The following NAV2 variants were observed in gnomAD, a reference collection of about 807,000 sequenced individuals.
NAV2 encodes the protein helicase, APC down-regulated 1.
A neutral mutation model predicts 223.2 loss-of-function variants in NAV2; 54 were observed. The ratio of observed to expected loss-of-function variants is 0.24; its 90% CI spans 0.19 to 0.30. NAV2 has a LOEUF of 0.30. Among genes scored for constraint, NAV2 ranks in the 10% least tolerant of loss-of-function variants. The probability of loss-of-function intolerance (pLI) is 1.00; values close to 1 mark genes in which losing one functional copy is unlikely to be tolerated. For synonymous variants in NAV2, 1,279 were observed against 1,239.3 expected, an observed-to-expected ratio of 1.03 and a Z score of -0.67; for missense variants, 2,806 against 3,147.5, an observed-to-expected ratio of 0.89 and a Z score of 2.60.
Position 19,998,849 on chromosome 11 carries a change from T to A in NAV2, c.2768+14602T>A, listed in dbSNP as rs566870890. ...TGTTGGTTTCTTTTTGGAAACTGTT[T>A]ATTTGACATCTCTTACTTTCATGTG... On this transcript the variant is annotated intron_variant, in intron 11 of 37. Transcript: ENST00000349880. This position sits in a 1 kb window ranked among gnomAD's most constrained non-coding sequence, Gnocchi z 5.0. Among the ~76,000 whole-genome samples, 35 of 152,340 alleles carry A rather than the reference T, an allele frequency of 2.3e-4. No homozygotes were observed. Among genetic ancestry groups the A allele is most frequent in the Admixed American group, 9.8e-4 (15 of 15,306 alleles).
At position 19,514,902 on chromosome 11, in the gene NAV2, T is replaced by G. The variant is rs79547738; in HGVS notation, c.75+163875T>G. 8.1e-3 allele frequency among the ~76,000 whole-genome samples: 1,236 copies of G among 152,286 alleles called. 13 individuals carry two copies. The highest frequency in any genetic ancestry group is 0.028 in the African/African-American group (1,164 of 41,558). ...GGAGTTTTTGGGGCCTCTGAGCTGT[T>G]TAATTCTAATCATCCACCCTTCGTT... On this transcript the variant is annotated intron_variant, in intron 1 of 37. Coordinates refer to the NAV2 transcript ENST00000360655.
chr11:19,356,370 T>TTCATTCATCC (rs1412467894), intron 1 of NAV2, among the ~76,000 whole-genome samples: 1 of 152,204 alleles, frequency 6.6e-6, no homozygotes, highest in East Asian at 1.9e-4. Context: ...CATTCATTTA[T>TTCATTCATCC]TCATTCATCC....
chr11:19,778,830 A>G (rs1436159434), intron 1 of NAV2, among the ~76,000 whole-genome samples: 3 of 152,198 alleles, frequency 2.0e-5, no homozygotes, highest in African/African-American at 7.2e-5. Context: ...AAGAGGCCAG[A>G]GTTTCACATA....
intron 1 of NAV2, among the ~76,000 whole-genome samples, chr11:19,352,264 G>C (rs1305416575): frequency 2.0e-5 from 3 of 152,166 alleles, no homozygotes; most frequent in Admixed American, 2.0e-4. Flanking sequence ...CAGAGAGATA[G>C]GAGAAAAATC....
chr11:19,945,204 T>TC (rs1451433538), intron 8 of NAV2, among the ~76,000 whole-genome samples: 1,646 of 51,812 alleles, frequency 0.032, 123 homozygotes, highest in African/African-American at 0.089. Context: ...TCCCTTCCCT[T>TC]TCTTTCCTTT....
At chr11:20,000,406 C>T (rs1285876211) in intron 11 of NAV2, among the ~76,000 whole-genome samples, 1 of 152,140 alleles carries the variant, frequency 6.6e-6, no homozygotes, top group Non-Finnish European at 1.5e-5. Flanking sequence ...TCAGAGCATG[C>T]ACTTATTATG....
At chr11:19,801,596 C>T (rs914236073) in intron 1 of NAV2, among the ~76,000 whole-genome samples, 1 of 152,162 alleles carries the variant, frequency 6.6e-6, no homozygotes, top group Admixed American at 6.5e-5. Context: ...GACCTCCTAG[C>T]CCTGAGGATC....
intron 1 of NAV2, among the ~76,000 whole-genome samples, chr11:19,536,349 G>T (rs2134477499): frequency 6.6e-6 from 1 of 152,274 alleles, no homozygotes. Flanking sequence ...GGACTGAAGT[G>T]TCCCCACTTG....
In NAV2 at chr11:19,498,796, C is replaced by A. The variant is rs117302001; in HGVS notation, c.75+147769C>A. 1.5e-4 allele frequency among the ~76,000 whole-genome samples: 23 copies of A among 152,312 alleles called. No individual in the cohort carries two copies. In the East Asian group the frequency reaches 3.7e-3, roughly 24 times the overall value. On this transcript the variant is annotated intron_variant, in intron 1 of 37. Transcript: ENST00000360655. ...TTAGGTCCTTGCTCTGAAGTAGATT[C>A]TTCTCAAGAATCTGGGTTCCGCATG...
chr11:19,630,809 G>A (rs923974073), intron 1 of NAV2, among the ~76,000 whole-genome samples: 4 of 151,458 alleles, frequency 2.6e-5, no homozygotes, highest in South Asian at 2.1e-4. Flanking sequence ...CTGGGAGGTC[G>A]AGGCTGCAGT....
chr11:19,642,327 G>A (rs971868108), intron 1 of NAV2, among the ~76,000 whole-genome samples: 1 of 152,224 alleles, frequency 6.6e-6, no homozygotes, highest in Non-Finnish European at 1.5e-5. Flanking sequence ...CTAAGTGTGA[G>A]AATTGCTCAG....
At position 19,902,098 on chromosome 11, in the gene NAV2, G is replaced by T. The variant is rs2042489524; in HGVS notation, c.931+9504G>T. On this transcript the variant is annotated intron_variant, in intron 6 of 37. Coordinates refer to ENST00000349880, the MANE Select transcript of NAV2 (RefSeq NM_145117.5). ...GAGCACTGTCCTGTTCAGAGGAAGGGCGAGCACTATTAAAGCTGCCTAGAG... is the reference window on the plus strand; with the variant it reads ...GAGCACTGTCCTGTTCAGAGGAAGGTCGAGCACTATTAAAGCTGCCTAGAG... 2.6e-5 allele frequency among the ~76,000 whole-genome samples: 4 copies of T among 152,266 alleles called. No homozygotes were observed. The South Asian group carries it at 8.3e-4, about 32-fold the overall frequency.
In NAV2 at chr11:19,988,591, T is replaced by C. The variant is rs376920287; in HGVS notation, c.2768+4344T>C. ...TTCATTACCCTTCAAATTCTGAATG[T>C]TTTAAGTACTGAGATTGCTGTTTCA... On this transcript the variant is annotated intron_variant, in intron 11 of 37. Coordinates refer to ENST00000349880, the MANE Select transcript of NAV2 (RefSeq NM_145117.5). Among the ~76,000 whole-genome samples the C allele has an allele frequency of 1.6e-3, 245 of 152,108 alleles. 2 individuals are homozygous for C. Among genetic ancestry groups the C allele is most frequent in the African/African-American group, 5.6e-3 (231 of 41,492 alleles).
intron 1 of NAV2, among the ~76,000 whole-genome samples, chr11:19,616,304 C>CTGTGTGTGTGTGTGTGTGTG (rs113035353): frequency 1.4e-5 from 2 of 140,630 alleles, no homozygotes; most frequent in African/African-American, 5.5e-5. Context: ...TTGCTTCTGA[C>CTGTGTGTGTGTGTGTGTGTG]TGTGTGTGTG....
intron 1 of NAV2, among the ~76,000 whole-genome samples, chr11:19,385,222 A>G (rs1848989333): frequency 6.6e-6 from 1 of 152,368 alleles, no homozygotes; most frequent in East Asian, 1.9e-4. Flanking sequence ...ATCTCAGTTC[A>G]GTGCTATTGT....
chr11:20,114,524 C>A, intron 36 of NAV2, 68 bp from the exon 37 acceptor site: 2 of 1,483,734 alleles, frequency 1.3e-6, no homozygotes, highest in Admixed American at 3.5e-5. Context: ...TTTCAGAAAG[C>A]TGCAAAACTG....
intron 11 of NAV2, among the ~76,000 whole-genome samples, chr11:20,023,686 C>A (rs1450428061): frequency 8.0e-6 from 1 of 124,990 alleles, no homozygotes; most frequent in Non-Finnish European, 1.6e-5. Context: ...TGTGTTTATA[C>A]AGCAAATTGC....
At chr11:19,905,980 T>A (rs1337271683) in intron 6 of NAV2, among the ~76,000 whole-genome samples, 1 of 152,098 alleles carries the variant, frequency 6.6e-6, no homozygotes, top group Non-Finnish European at 1.5e-5. Flanking sequence ...TCCCAGCCCC[T>A]CAAAATGAAT....
At position 20,114,552 on chromosome 11, in the gene NAV2, T is replaced by C; in HGVS notation, c.6961-40T>C. On this transcript the variant is annotated intron_variant, in intron 36 of 37. Coordinates refer to ENST00000349880, the MANE Select transcript of NAV2 (RefSeq NM_145117.5). Reference sequence around the variant, plus strand: ...CAAAACTGGGGCTACGAGAGAGATCTGGGCCACTTCCAGACTGTTCCTTCT... The same window carrying C: ...CAAAACTGGGGCTACGAGAGAGATCCGGGCCACTTCCAGACTGTTCCTTCT... 4 of 1,598,296 alleles carry C rather than the reference T, an allele frequency of 2.5e-6. No homozygotes were observed. In the South Asian group the frequency reaches 3.3e-5, roughly 13 times the overall value.
Sources: gnomAD v4.1 joint callset for allele counts (sites outside exome capture counted in the v4.1 genomes callset) on GRCh38, gnomAD v4.1.1 for gene constraint, Gnocchi (gnomAD v3.1) non-coding constraint, MANE v1.5 for transcripts, NCBI Gene and HGNC (gene_info 2026-07-23, HGNC 2026-07-21) for gene names.